The following ERBB4 variants were observed in gnomAD, a reference collection of about 807,000 sequenced individuals.
ERBB4 encodes the protein receptor tyrosine-protein kinase erbB-4.
Under a neutral mutation model 158.0 loss-of-function variants are expected in ERBB4, and 42 were observed. The ratio of observed to expected loss-of-function variants is 0.27; its 90% confidence interval spans 0.21 to 0.34. The LOEUF is 0.34. Among genes scored for constraint, ERBB4 ranks in the 10% least tolerant of loss-of-function variants. ERBB4 has a pLI of 1.00. For missense variants in ERBB4, 1,333 were observed against 1,624.1 expected, an observed-to-expected ratio of 0.82 and a Z score of 3.08; for synonymous variants, 583 against 558.7, an observed-to-expected ratio of 1.04 and a Z score of -0.61.
At chr2:211,852,490 G>A (rs1439253) in intron 3 of ERBB4, among the ~76,000 whole-genome samples, 59,533 of 151,458 alleles carry the variant, frequency 0.39, 11,971 homozygotes, top group East Asian at 0.46. Flanking sequence ...TCATCAATTG[G>A]TTCTTGGAAA....
At chr2:211,460,470 A>G (rs2064501911) in intron 20 of ERBB4, among the ~76,000 whole-genome samples, 2 of 152,194 alleles carry the variant, frequency 1.3e-5, no homozygotes, top group Admixed American at 6.5e-5. Context: ...AATAACCATA[A>G]TTAATTCAAA....
chr2:212,450,579 T>G (rs553662317), intron 1 of ERBB4, among the ~76,000 whole-genome samples: 1 of 152,110 alleles, frequency 6.6e-6, no homozygotes, highest in Admixed American at 6.5e-5. Flanking sequence ...TGCTGACTCC[T>G]TGATTTTAGT....
intron 3 of ERBB4, among the ~76,000 whole-genome samples, chr2:211,845,279 C>A (rs569746976): frequency 1.3e-5 from 2 of 151,260 alleles, no homozygotes; most frequent in African/African-American, 2.4e-5. Context: ...AAGAAAAGTG[C>A]CACATCAGAA....
At chr2:212,343,391 T>C (rs2088817654) in intron 1 of ERBB4, among the ~76,000 whole-genome samples, 1 of 152,174 alleles carries the variant, frequency 6.6e-6, no homozygotes, top group Non-Finnish European at 1.5e-5. Flanking sequence ...ATTAAATTGC[T>C]AATTTTGTTC....
At chr2:211,679,430 T>C (rs2072246455) in intron 12 of ERBB4, among the ~76,000 whole-genome samples, 1 of 152,166 alleles carries the variant, frequency 6.6e-6, no homozygotes, top group Admixed American at 6.5e-5. Flanking sequence ...GAATTGCCTA[T>C]ATAAAAACTA....
At chr2:211,829,210 A>G (rs563537568) in intron 3 of ERBB4, among the ~76,000 whole-genome samples, 3 of 152,258 alleles carry the variant, frequency 2.0e-5, no homozygotes, top group East Asian at 1.9e-4. Flanking sequence ...GCCTTCTCCA[A>G]TCTGAACTCT....
chr2:211,787,611 T>G (rs1427435564), intron 4 of ERBB4, among the ~76,000 whole-genome samples: 2 of 152,204 alleles, frequency 1.3e-5, no homozygotes, highest in Non-Finnish European at 2.9e-5. Flanking sequence ...TTCACTAGTT[T>G]TTACTTTTTT....
At chr2:211,915,257 T>C (rs1345020321) in intron 3 of ERBB4, among the ~76,000 whole-genome samples, 1 of 152,114 alleles carries the variant, frequency 6.6e-6, no homozygotes, top group Non-Finnish European at 1.5e-5. Context: ...TTCCCTACCA[T>C]TCCTTGGTAG....
intron 20 of ERBB4, among the ~76,000 whole-genome samples, chr2:211,542,319 A>G (rs1411804630): frequency 6.6e-6 from 1 of 151,988 alleles, no homozygotes; most frequent in Non-Finnish European, 1.5e-5. Context: ...AAGGAAAACT[A>G]TCTCTTAGCT....
chr2:212,215,993 C>T (rs1220890668), intron 1 of ERBB4, among the ~76,000 whole-genome samples: 2 of 151,290 alleles, frequency 1.3e-5, no homozygotes, highest in Non-Finnish European at 3.0e-5. Context: ...AAATCAGTTT[C>T]TCTTTATTGA....
At chr2:212,304,937 CAT>C (rs1353882309) in intron 1 of ERBB4, among the ~76,000 whole-genome samples, 1 of 150,724 alleles carries the variant, frequency 6.6e-6, no homozygotes, top group Non-Finnish European at 1.5e-5. Context: ...TGTATGCGTA[CAT>C]GTCTGTGTGT....
rs2085349598 is a variant in ERBB4, at chr2:212,271,695, C to A, written c.83-146792G>T. On this transcript the variant is annotated intron_variant, in intron 1 of 27. Transcript: ENST00000342788. ...AATCAAGAGGTCACTTCCCAGTAGACTTCTGATAAAAGCCTGCTCTTTATC... is the reference window on the plus strand; with the variant it reads ...AATCAAGAGGTCACTTCCCAGTAGAATTCTGATAAAAGCCTGCTCTTTATC... Among the ~76,000 whole-genome samples the A allele has an allele frequency of 1.3e-4, 19 of 151,740 alleles. No homozygotes were observed. In the Admixed American group the frequency reaches 1.3e-3, roughly 10 times the overall value.
At chr2:212,310,185 T>C (rs1258572349) in intron 1 of ERBB4, among the ~76,000 whole-genome samples, 2 of 150,894 alleles carry the variant, frequency 1.3e-5, no homozygotes, top group East Asian at 3.9e-4. Context: ...TTCACCATTC[T>C]CCATGTTATA....
intron 20 of ERBB4, among the ~76,000 whole-genome samples, chr2:211,442,841 G>A (rs1460071437): frequency 6.6e-6 from 1 of 151,878 alleles, no homozygotes; most frequent in African/African-American, 2.4e-5. Context: ...GAAGTAGAAA[G>A]CTATATTTTT....
chr2:212,333,517 G>GA (rs1325711280), intron 1 of ERBB4, among the ~76,000 whole-genome samples: 3 of 140,754 alleles, frequency 2.1e-5, no homozygotes, highest in Non-Finnish European at 4.6e-5. Context: ...AGTCTCTACA[G>GA]AAAAAATACG....
intron 1 of ERBB4, among the ~76,000 whole-genome samples, chr2:212,418,513 A>G (rs888961928): frequency 4.0e-5 from 6 of 150,036 alleles, no homozygotes; most frequent in African/African-American, 1.2e-4. Flanking sequence ...CTGCCTTGCT[A>G]AAATAAAATA....
intron 16 of ERBB4, among the ~76,000 whole-genome samples, chr2:211,645,363 A>G (rs1372891690): frequency 1.3e-5 from 2 of 151,720 alleles, no homozygotes; most frequent in African/African-American, 4.8e-5. Flanking sequence ...AAGTTATTCT[A>G]TAAATATTAT....
In ERBB4 at chr2:212,031,989, G is replaced by A. The variant is rs531009279; in HGVS notation, c.235-84373C>T. ...AGGGAAAGCAACTTTGCTGTCTCTT[G>A]GTGCCTGTTTTGAGTCTGAGTAAGA... is the stretch of plus-strand genomic sequence containing the variant. On this transcript the variant is annotated intron_variant, in intron 2 of 27. Coordinates refer to ENST00000342788, the MANE Select transcript of ERBB4 (RefSeq NM_005235.3). 1.6e-3 allele frequency among the ~76,000 whole-genome samples: 244 copies of A among 152,114 alleles called. 1 individual carries two copies. Among genetic ancestry groups the A allele is most frequent in the Non-Finnish European group, 3.0e-3 (203 of 67,964 alleles).
At chr2:212,285,424 G>C (rs1348764954) in intron 1 of ERBB4, among the ~76,000 whole-genome samples, 2 of 151,572 alleles carry the variant, frequency 1.3e-5, no homozygotes, top group African/African-American at 4.9e-5. Flanking sequence ...GAGTCCCTAA[G>C]GACAACAAAC....
Sources: allele counts gnomAD v4.1 joint callset (sites outside exome capture counted in the v4.1 genomes callset), GRCh38; gene constraint gnomAD v4.1.1; transcripts MANE v1.5; gene names NCBI Gene and HGNC (gene_info 2026-07-23, HGNC 2026-07-21).